DPP10: variants seen among roughly 807,000 people sequenced by gnomAD.
DPP10 encodes dipeptidyl peptidase like 10, also known as inactive dipeptidyl peptidase 10.
A neutral mutation model predicts 120.9 loss-of-function variants in DPP10; 33 were observed. That is an observed-to-expected ratio of 0.27 (90% CI 0.21 to 0.37). The LOEUF (loss-of-function observed/expected upper bound fraction) is 0.37. Among genes scored for constraint, DPP10 ranks in the 10% least tolerant of loss-of-function variants. The pLI is 1.00. For missense variants in DPP10, 816 were observed against 942.8 expected, an observed-to-expected ratio of 0.87 and a Z score of 1.76; for synonymous variants, 337 against 326.1, an observed-to-expected ratio of 1.03 and a Z score of -0.36.
chr2:114,820,071 T>C (rs1685962964), intron 1 of DPP10, among the ~76,000 whole-genome samples: 2 of 152,184 alleles, frequency 1.3e-5, no homozygotes, highest in South Asian at 4.1e-4. Context: ...TTTTAACAGC[T>C]CTATTATCCT....
At chr2:114,613,928 T>C (rs963565492) in intron 1 of DPP10, among the ~76,000 whole-genome samples, 1 of 151,888 alleles carries the variant, frequency 6.6e-6, no homozygotes, top group Non-Finnish European at 1.5e-5. Flanking sequence ...TGAGAACACA[T>C]GGACCCAGGA....
At chr2:115,452,809 A>G (rs1013631375) in intron 3 of DPP10, among the ~76,000 whole-genome samples, 4 of 151,906 alleles carry the variant, frequency 2.6e-5, no homozygotes, top group Non-Finnish European at 5.9e-5. Flanking sequence ...TATAAAATAT[A>G]AGTATTGTGT....
At chr2:115,399,177 C>T (rs566142142) in intron 3 of DPP10, among the ~76,000 whole-genome samples, 14 of 152,170 alleles carry the variant, frequency 9.2e-5, no homozygotes, top group African/African-American at 2.9e-4. Flanking sequence ...ACTGAGTGCT[C>T]GCATTGTTTC....
intron 1 of DPP10, among the ~76,000 whole-genome samples, chr2:114,893,813 C>A (rs1038731076): frequency 6.6e-6 from 1 of 152,272 alleles, no homozygotes. Context: ...TAGAGTTAAC[C>A]CTCCAGTTAA....
intron 1 of DPP10, among the ~76,000 whole-genome samples, chr2:115,275,752 C>A (rs1177524395): frequency 1.1e-4 from 15 of 137,906 alleles, no homozygotes; most frequent in African/African-American, 3.8e-4. Context: ...CAGGCTGGGG[C>A]GCAGTGGCCT....
chr2:115,238,590 G>C (rs1056455772), intron 1 of DPP10, among the ~76,000 whole-genome samples: 1 of 152,080 alleles, frequency 6.6e-6, no homozygotes, highest in Admixed American at 6.6e-5. Flanking sequence ...GAAATAAAAA[G>C]ATAACTAAAA....
At chr2:114,502,790 C>CCCA (rs1252747942) in intron 1 of DPP10, among the ~76,000 whole-genome samples, 1 of 152,136 alleles carries the variant, frequency 6.6e-6, no homozygotes, top group Non-Finnish European at 1.5e-5. Flanking sequence ...GAGGGTTAAA[C>CCCA]CCACGATCAA....
intron 1 of DPP10, among the ~76,000 whole-genome samples, chr2:115,073,248 A>T (rs1707518120): frequency 6.6e-6 from 1 of 152,244 alleles, no homozygotes; most frequent in Non-Finnish European, 1.5e-5. Context: ...CTTAACTTGT[A>T]TTTCCAAGTC....
intron 1 of DPP10, chr2:115,162,107 G>C: frequency 1.3e-6 from 2 of 1,512,210 alleles, no homozygotes; most frequent in Non-Finnish European, 8.8e-7. Context: ...CCGCTTCCCA[G>C]GCTGGGCTCC....
intron 1 of DPP10, among the ~76,000 whole-genome samples, chr2:114,475,756 A>G (rs1680320028): frequency 6.6e-6 from 1 of 152,236 alleles, no homozygotes; most frequent in African/African-American, 2.4e-5. Context: ...AACTTTTAAG[A>G]CAACTTTTCC....
At chr2:114,896,249 A>T (rs1472796492) in intron 1 of DPP10, among the ~76,000 whole-genome samples, 2 of 152,104 alleles carry the variant, frequency 1.3e-5, no homozygotes, top group Non-Finnish European at 2.9e-5. Flanking sequence ...ACTTTAAAGT[A>T]GTTTTTTCCA....
chr2:114,718,415 A>AT (rs1701495185), intron 1 of DPP10, among the ~76,000 whole-genome samples: 1 of 151,460 alleles, frequency 6.6e-6, no homozygotes, highest in Admixed American at 6.6e-5. Flanking sequence ...AAAAAAAAAA[A>AT]AAAAAAAAAA....
At chr2:115,246,354 G>A (rs1049854775) in intron 1 of DPP10, among the ~76,000 whole-genome samples, 3 of 152,236 alleles carry the variant, frequency 2.0e-5, no homozygotes, top group African/African-American at 7.2e-5. Flanking sequence ...AATTACCTAG[G>A]TGCTCTGGTA....
In DPP10 at chr2:115,702,656, G is replaced by T. The variant is rs140099007; in HGVS notation, c.576+12735G>T. On this transcript the variant is annotated intron_variant, in intron 7 of 25. Transcript: ENST00000410059. ...GTGAAAGTCCAGAATGAGGAAGTTT[G>T]CAGGACAGAAAGGAGATTAGTGGTT... 5.5e-3 allele frequency among the ~76,000 whole-genome samples: 844 copies of T among 152,174 alleles called. 14 individuals are homozygous for T. Among genetic ancestry groups the T allele is most frequent in the African/African-American group, 0.019 (809 of 41,554 alleles).
intron 19 of DPP10, among the ~76,000 whole-genome samples, chr2:115,800,977 C>A (rs1310238838): frequency 2.6e-5 from 4 of 152,126 alleles, no homozygotes; most frequent in Non-Finnish European, 2.9e-5. Context: ...TGAAGAAAGT[C>A]ATTGGTAGCT....
intron 1 of DPP10, among the ~76,000 whole-genome samples, chr2:114,680,917 G>A (rs1194414952): frequency 6.6e-6 from 1 of 151,898 alleles, no homozygotes; most frequent in Non-Finnish European, 1.5e-5. Flanking sequence ...ACCTGATAGA[G>A]TCCTCCATGT....
intron 4 of DPP10, among the ~76,000 whole-genome samples, chr2:115,501,533 A>G (rs145546701): frequency 5.3e-5 from 8 of 152,224 alleles, no homozygotes; most frequent in African/African-American, 1.4e-4. Flanking sequence ...CCACAGGGTC[A>G]TATTTAGCAA....
intron 1 of DPP10, among the ~76,000 whole-genome samples, chr2:114,609,107 G>T (rs564132496): frequency 1.3e-5 from 2 of 152,098 alleles, no homozygotes; most frequent in Non-Finnish European, 2.9e-5. Flanking sequence ...TTGATGAACC[G>T]TCACTTTCAT....
intron 17 of DPP10, 127 bp downstream of exon 17, chr2:115,782,526 C>A: frequency 1.3e-6 from 1 of 798,024 alleles, no homozygotes; most frequent in Admixed American, 2.2e-5. Flanking sequence ...AGGAAAGCTG[C>A]GTGTATACCA....
Sources: gnomAD v4.1 joint callset for allele counts (sites outside exome capture counted in the v4.1 genomes callset) on GRCh38, gnomAD v4.1.1 for gene constraint, MANE v1.5 for transcripts, NCBI Gene and HGNC (gene_info 2026-07-23, HGNC 2026-07-21) for gene names.